ABTB2: variants seen among roughly 807,000 people sequenced by gnomAD.
ABTB2 encodes ankyrin repeat and BTB/POZ domain-containing protein 2.
ABTB2 carries 56 observed loss-of-function variants against 104.1 expected under a neutral mutation model. The ratio of observed to expected loss-of-function variants is 0.54; its 90% CI spans 0.43 to 0.67. The LOEUF is 0.67. Among genes scored for constraint, ABTB2 ranks in the 30% least tolerant of loss-of-function variants. The probability of loss-of-function intolerance (pLI) is 0.00; values close to 1 mark genes in which losing one functional copy is unlikely to be tolerated. For synonymous variants in ABTB2, 606 were observed against 608.2 expected (o/e 1.00, Z 0.05); for missense variants, 1,279 against 1,407.7 (o/e 0.91, Z 1.46).
intron 1 of ABTB2, among the ~76,000 whole-genome samples, chr11:34,235,015 G>A (rs1008208663): frequency 3.3e-5 from 5 of 152,094 alleles, no homozygotes; most frequent in Non-Finnish European, 5.9e-5. Flanking sequence ...CCGCCACGGC[G>A]CCTGGCTAAT....
intron 1 of ABTB2, among the ~76,000 whole-genome samples, chr11:34,265,061 T>C (rs1324020895): frequency 6.6e-6 from 1 of 152,188 alleles, no homozygotes; most frequent in East Asian, 1.9e-4. Flanking sequence ...CGTGACTCAG[T>C]CGCTTCATTT....
intron 1 of ABTB2, among the ~76,000 whole-genome samples, chr11:34,220,088 A>G (rs1853600225): frequency 6.6e-6 from 1 of 152,250 alleles, no homozygotes; most frequent in African/African-American, 2.4e-5. Context: ...GAGGAGGTAT[A>G]GGGAAGGAAG....
chr11:34,209,573 G>A (rs1363816558), intron 1 of ABTB2, among the ~76,000 whole-genome samples: 4 of 30,728 alleles, frequency 1.3e-4, no homozygotes, highest in Admixed American at 3.7e-4. Context: ...TGGAGGGTAG[G>A]CGTGGGGGTG....
chr11:34,178,207 C>A (rs1852979796), intron 3 of ABTB2, among the ~76,000 whole-genome samples: 1 of 151,984 alleles, frequency 6.6e-6, no homozygotes, highest in Admixed American at 6.5e-5. Context: ...GGGGCTGGTG[C>A]CCACATGTAC....
intron 1 of ABTB2, among the ~76,000 whole-genome samples, chr11:34,297,489 C>T (rs1310686076): frequency 5.3e-5 from 8 of 152,110 alleles, no homozygotes; most frequent in African/African-American, 1.9e-4. Flanking sequence ...TTTAATGTAT[C>T]CCCTCCAAAA....
At chr11:34,231,132 A>C (rs1160680613) in intron 1 of ABTB2, among the ~76,000 whole-genome samples, 1 of 152,226 alleles carries the variant, frequency 6.6e-6, no homozygotes, top group Non-Finnish European at 1.5e-5. Flanking sequence ...GTGGTACCAG[A>C]AAGTAAGAGT....
At chr11:34,250,319 C>T (rs955285000) in intron 1 of ABTB2, among the ~76,000 whole-genome samples, 3 of 152,168 alleles carry the variant, frequency 2.0e-5, no homozygotes, top group African/African-American at 7.2e-5. Context: ...TCCTCTAGTA[C>T]AACCAGACTG....
At chr11:34,243,176 C>T (rs369431875) in intron 1 of ABTB2, among the ~76,000 whole-genome samples, 1 of 152,294 alleles carries the variant, frequency 6.6e-6, no homozygotes, top group East Asian at 1.9e-4. Flanking sequence ...GGTTCTTTAT[C>T]TCTACACTGA....
intron 1 of ABTB2, among the ~76,000 whole-genome samples, chr11:34,272,818 T>G (rs1854336253): frequency 6.6e-6 from 1 of 151,808 alleles, no homozygotes; most frequent in African/African-American, 2.4e-5. Flanking sequence ...CTATAACAAC[T>G]TGATAACTAT....
chr11:34,204,365 A>G (rs1235173827), intron 2 of ABTB2, among the ~76,000 whole-genome samples, 179 bp downstream of exon 2: 2 of 152,104 alleles, frequency 1.3e-5, no homozygotes, highest in Non-Finnish European at 2.9e-5. Context: ...AGAAATCCAG[A>G]TTTGTGTATT....
chr11:34,316,612 C>G (rs1282379808), intron 1 of ABTB2, among the ~76,000 whole-genome samples: 1 of 152,096 alleles, frequency 6.6e-6, no homozygotes, highest in African/African-American at 2.4e-5. Context: ...GTGAAAATAC[C>G]AAGGCCAAGT....
At chr11:34,174,063 G>C (rs904297381) in intron 3 of ABTB2, among the ~76,000 whole-genome samples, 2 of 152,172 alleles carry the variant, frequency 1.3e-5, no homozygotes, top group Non-Finnish European at 2.9e-5. Context: ...GGCCGGGCTC[G>C]GTGGCTCACG....
chr11:34,208,567 G>A (rs970459256), intron 1 of ABTB2, among the ~76,000 whole-genome samples: 2 of 152,096 alleles, frequency 1.3e-5, no homozygotes, highest in East Asian at 1.9e-4. Context: ...GGACTGTGCT[G>A]AAGCCTCAAC....
intron 1 of ABTB2, among the ~76,000 whole-genome samples, chr11:34,254,406 C>A (rs1413673406): frequency 6.6e-6 from 1 of 152,072 alleles, no homozygotes; most frequent in African/African-American, 2.4e-5. Context: ...TGCCACCACA[C>A]CTGGCTAATT....
rs1853382737 is a variant in ABTB2 at position 34,204,524 on chromosome 11, G to C, written c.1030+20C>G. The C allele has an allele frequency of 6.3e-7, 1 of 1,582,006 alleles. No homozygotes were observed. Among genetic ancestry groups the C allele is most frequent in the African/African-American group, 1.3e-5 (1 of 74,104 alleles). ...TCGCCGTTGCTCTACCATCCAGCTAGACACTGAGGCCACACTTACTCAGCT... is the reference window on the plus strand; with the variant it reads ...TCGCCGTTGCTCTACCATCCAGCTACACACTGAGGCCACACTTACTCAGCT... On this transcript the variant is annotated intron_variant, in intron 2 of 16. Coordinates refer to ENST00000435224, the MANE Select transcript of ABTB2 (RefSeq NM_145804.3).
intron 1 of ABTB2, among the ~76,000 whole-genome samples, chr11:34,324,855 C>CG (rs755980527): frequency 2.0e-5 from 3 of 152,220 alleles, no homozygotes. Flanking sequence ...GCCTATGTCC[C>CG]GGCAGGCTCA....
chr11:34,274,954 C>G (rs561531139), intron 1 of ABTB2, among the ~76,000 whole-genome samples: 20 of 152,280 alleles, frequency 1.3e-4, no homozygotes, highest in African/African-American at 4.6e-4. Context: ...GGACCAGCAG[C>G]CTGGATGCTC....
intron 1 of ABTB2, among the ~76,000 whole-genome samples, chr11:34,241,069 G>C (rs778577952): frequency 1.3e-5 from 2 of 152,098 alleles, no homozygotes; most frequent in Non-Finnish European, 2.9e-5. Flanking sequence ...TTTCTGTTTC[G>C]AGTTGCATTA....
chr11:34,268,518 G>GC (rs1482556958), intron 1 of ABTB2, among the ~76,000 whole-genome samples: 3 of 152,174 alleles, frequency 2.0e-5, no homozygotes, highest in African/African-American at 7.2e-5. Flanking sequence ...ATTGGAACTT[G>GC]CCGTGCCTTT....
Sources: allele counts gnomAD v4.1 joint callset (sites outside exome capture counted in the v4.1 genomes callset), GRCh38; gene constraint gnomAD v4.1.1; transcripts MANE v1.5; gene names NCBI Gene and HGNC (gene_info 2026-07-23, HGNC 2026-07-21).